Variants in C1QTNF1 observed in about 807,000 individuals in gnomAD.
The protein encoded by C1QTNF1 is C1q and TNF related 1.
C1QTNF1 carries 22 observed loss-of-function variants against 27.8 expected under a neutral mutation model. The ratio of observed to expected loss-of-function variants is 0.79; its 90% CI spans 0.56 to 1.13. The LOEUF is 1.13. Ranked by LOEUF, C1QTNF1 falls within the 50% of genes most tolerant of loss-of-function variation. The pLI is 0.00. For missense variants in C1QTNF1, 373 were observed against 380.2 expected (o/e 0.98, Z 0.16); for synonymous variants, 166 against 154.3 (o/e 1.08, Z -0.56).
intron 1 of C1QTNF1, among the ~76,000 whole-genome samples, chr17:79,027,920 C>G (rs570858149): frequency 4.6e-5 from 7 of 152,348 alleles, no homozygotes; most frequent in African/African-American, 1.7e-4. Context: ...CACTGTACAC[C>G]AGGGCACTGC....
At chr17:79,043,212 A>G (rs2072465205) in intron 1 of C1QTNF1, 1 of 443,910 alleles carries the variant, frequency 2.3e-6, no homozygotes, top group South Asian at 1.6e-5. Flanking sequence ...TGTGGATTGC[A>G]TGTGTGTGTG....
chr17:79,030,319 T>TGTG (rs1568060766), intron 1 of C1QTNF1, among the ~76,000 whole-genome samples: 172 of 147,920 alleles, frequency 1.2e-3, no homozygotes, highest in East Asian at 2.8e-3. Context: ...CTTTGTGGTT[T>TGTG]TGTGTGTGTG....
At chr17:79,028,153 G>A (rs1167275281) in intron 1 of C1QTNF1, among the ~76,000 whole-genome samples, 1 of 152,222 alleles carries the variant, frequency 6.6e-6, no homozygotes, top group Non-Finnish European at 1.5e-5. Context: ...AGGAGTCGAG[G>A]GGAGGAGGAG....
At chr17:79,039,854 T>C (rs1285070804) in intron 1 of C1QTNF1, among the ~76,000 whole-genome samples, 1 of 151,822 alleles carries the variant, frequency 6.6e-6, no homozygotes, top group Admixed American at 6.6e-5. Context: ...CATGTGTATG[T>C]GTATATATAA....
At chr17:79,045,381 A>G (rs2072541118) in intron 2 of C1QTNF1, among the ~76,000 whole-genome samples, 1 of 152,146 alleles carries the variant, frequency 6.6e-6, no homozygotes, top group Admixed American at 6.5e-5. Flanking sequence ...CAATCCTACA[A>G]AGAACAAGAG....
At chr17:79,028,558 G>A (rs1405534646) in intron 1 of C1QTNF1, among the ~76,000 whole-genome samples, 1 of 152,230 alleles carries the variant, frequency 6.6e-6, no homozygotes, top group African/African-American at 2.4e-5. Context: ...GTTAGGGGGT[G>A]ACCACAGGTC....
chr17:79,041,452 G>A (rs2072406614), intron 1 of C1QTNF1, among the ~76,000 whole-genome samples: 1 of 152,180 alleles, frequency 6.6e-6, no homozygotes. Flanking sequence ...TTGGCGTGAG[G>A]GCTCTGCGGG....
At chr17:79,026,816 G>A (rs2071976377) in intron 1 of C1QTNF1, among the ~76,000 whole-genome samples, 1 of 152,196 alleles carries the variant, frequency 6.6e-6, no homozygotes, top group African/African-American at 2.4e-5. Context: ...GTCCCAGGAA[G>A]GCCATGGGTT....
At position 79,030,485 on chromosome 17, in the gene C1QTNF1, TTTTCTTTCTTTCTTTCTTTC is replaced by T. The variant is rs199746385; in HGVS notation, c.-15+6018_-15+6037del. ...TTTCTTTCTTTCTTTCTTTCTTTCTTTTTCTTTCTTTCTTTCTTTCTTTCTTTCTTTCTTTCTTTCTTTCT... is the reference window on the plus strand; with the variant it reads ...TTTCTTTCTTTCTTTCTTTCTTTCTTTTTCTTTCTTTCTTTCTTTCTTTCT... On this transcript the variant is annotated intron_variant, in intron 1 of 3. Transcript: ENST00000579760. 5.1e-3 allele frequency among the ~76,000 whole-genome samples: 621 copies of T among 121,864 alleles called. 1 individual carries two copies. Among genetic ancestry groups the T allele is most frequent in the Non-Finnish European group, 6.7e-3 (406 of 60,404 alleles). The allele number at this position is 121,864 out of a possible 152,430, so 79.9% of individuals were successfully genotyped here.
intron 1 of C1QTNF1, chr17:79,027,453 T>TG (rs976634330): frequency 4.3e-4 from 65 of 152,414 alleles, no homozygotes; most frequent in African/African-American, 1.5e-3. Flanking sequence ...CAGGCTCTCT[T>TG]GGGGCAGCCC....
intron 1 of C1QTNF1, among the ~76,000 whole-genome samples, chr17:79,040,629 C>A (rs1039536886): frequency 6.6e-6 from 1 of 150,738 alleles, no homozygotes; most frequent in Non-Finnish European, 1.5e-5. Flanking sequence ...CGTGGAGGAT[C>A]ACGCCTGTAA....
intron 1 of C1QTNF1, among the ~76,000 whole-genome samples, chr17:79,043,088 A>G (rs367953725): frequency 1.4e-5 from 2 of 140,258 alleles, no homozygotes; most frequent in Non-Finnish European, 3.1e-5. Context: ...GCATGTGTGT[A>G]TGTGTGTGCA....
rs1287437890 is a variant in C1QTNF1 at position 79,045,476 on chromosome 17, G to A, written c.156-1079G>A. Among the ~76,000 whole-genome samples, 3 of 152,162 alleles carry A rather than the reference G, an allele frequency of 2.0e-5. No individual in the cohort carries two copies. The East Asian group carries it at 5.8e-4, about 29-fold the overall frequency. On this transcript the variant is annotated intron_variant, in intron 2 of 3. Coordinates refer to ENST00000579760, the MANE Select transcript of C1QTNF1 (RefSeq NM_030968.5). ...AGAGAGGATGAGCTGGTGCGGGGAG[G>A]GGCAGATTCCAAGTGAGAGTCGAAA...
chr17:79,039,780 AAT>A (rs1381443288), intron 1 of C1QTNF1, among the ~76,000 whole-genome samples: 3 of 149,864 alleles, frequency 2.0e-5, no homozygotes, highest in Non-Finnish European at 4.4e-5. Flanking sequence ...CTCTTAAATA[AAT>A]ATGTGTGTGT....
Position 79,046,623 on chromosome 17 carries a change from G to C in C1QTNF1, c.224G>C (p.Arg75Pro). ...DQGLPASRCL[R>P]CCDPGTSMYP... ...GGGCTCCCTGCTTCCCGGTGCTTGCGCTGCTGTGACCCCGGTACCTCCATG... is the reference window on the plus strand; with the variant it reads ...GGGCTCCCTGCTTCCCGGTGCTTGCCCTGCTGTGACCCCGGTACCTCCATG... Residue 75 changes from arginine to proline, a missense_variant, in exon 3 of 4, where the codon CGC becomes CCC. Coordinates refer to ENST00000579760, the MANE Select transcript of C1QTNF1 (RefSeq NM_030968.5). The surrounding 1 kb of genome is among the most constrained non-coding windows in gnomAD (Gnocchi z 4.8). 1 of 1,614,232 alleles carries C rather than the reference G, an allele frequency of 6.2e-7. No individual in the cohort carries two copies. Among genetic ancestry groups the C allele is most frequent in the Non-Finnish European group, 8.5e-7 (1 of 1,180,040 alleles).
intron 3 of C1QTNF1, chr17:79,047,077 C>T: frequency 3.8e-6 from 1 of 260,556 alleles, no homozygotes; most frequent in South Asian, 9.8e-5. Context: ...GGCAGATAAC[C>T]CTGCACAGCC....
At chr17:79,042,242 G>A (rs1402728769) in intron 1 of C1QTNF1, among the ~76,000 whole-genome samples, 1 of 152,264 alleles carries the variant, frequency 6.6e-6, no homozygotes, top group African/African-American at 2.4e-5. Flanking sequence ...GGCTGGGCCT[G>A]CGACTCCTGA....
At chr17:79,044,771 C>T (rs976628460) in intron 2 of C1QTNF1, among the ~76,000 whole-genome samples, 1 of 152,200 alleles carries the variant, frequency 6.6e-6, no homozygotes, top group African/African-American at 2.4e-5. Context: ...CCTGGAGACC[C>T]GGCGACAGCT....
intron 1 of C1QTNF1, among the ~76,000 whole-genome samples, chr17:79,039,945 G>A (rs2072359613): frequency 6.6e-6 from 1 of 152,082 alleles, no homozygotes; most frequent in South Asian, 2.1e-4. Context: ...CCACTTAAAA[G>A]GAAAAAACAG....
Sources: gnomAD v4.1 joint callset for allele counts (sites outside exome capture counted in the v4.1 genomes callset) on GRCh38, gnomAD v4.1.1 for gene constraint, Gnocchi (gnomAD v3.1) non-coding constraint, MANE v1.5 for transcripts, NCBI Gene and HGNC (gene_info 2026-07-23, HGNC 2026-07-21) for gene names.